Variants in APC observed in about 807,000 individuals in gnomAD.
APC encodes the protein adenomatous polyposis coli protein.
A neutral mutation model predicts 247.0 loss-of-function variants in APC; 72 were observed. That is an observed-to-expected ratio of 0.29 (90% CI 0.24 to 0.35). The LOEUF (loss-of-function observed/expected upper bound fraction) is 0.35, where lower values mean the gene tolerates loss of function less well. Among genes scored for constraint, APC ranks in the 10% least tolerant of loss-of-function variants. The pLI is 1.00. For synonymous variants in APC, 1,254 were observed against 1,162.5 expected (o/e 1.08, Z -1.60); for missense variants, 3,400 against 3,360.7 (o/e 1.01, Z -0.29).
rs1352894454 is a variant in APC, at chr5:112,758,765, G to A, written c.135+3740G>A. On this transcript the variant is annotated intron_variant, in intron 2 of 15. Coordinates refer to ENST00000257430, the MANE Select transcript of APC (RefSeq NM_000038.6). Reference sequence around the variant, plus strand: ...ATTACAGGTCCCTACCGCCACGCCCGGCTAATTTTTGTATTTTAGTAGAGA... The same window carrying A: ...ATTACAGGTCCCTACCGCCACGCCCAGCTAATTTTTGTATTTTAGTAGAGA... 4.6e-5 allele frequency among the ~76,000 whole-genome samples: 7 copies of A among 151,818 alleles called. No homozygotes were observed. The East Asian group carries it at 1.2e-3, about 25-fold the overall frequency.
Position 112,780,892 on chromosome 5 carries a change from A to G in APC, c.634A>G (p.Lys212Glu), listed in dbSNP as rs771232437. The G allele has an allele frequency of 1.3e-5, 21 of 1,607,350 alleles. No individual in the cohort carries two copies. The part of the protein sequence containing the change: ...EQLGTCQDME[K>E]RAQRRIARIQ... ...ACTAGGTACCTGCCAGGATATGGAA[A>G]AACGAGCACAGGTAAGTTACTTGTT... is the stretch of plus-strand genomic sequence containing the variant. The change falls in exon 6 of 16, where the codon AAA becomes GAA. Residue 212 changes from lysine (K) to glutamate (E), a missense_variant. By Grantham distance (56) the Lys-to-Glu change is moderately conservative. Coordinates refer to ENST00000257430, the MANE Select transcript of APC (RefSeq NM_000038.6).
At chr5:112,716,998 T>A (rs947085851) in intron 1 of APC, among the ~76,000 whole-genome samples, 1 of 152,136 alleles carries the variant, frequency 6.6e-6, no homozygotes, top group Non-Finnish European at 1.5e-5. Context: ...ATAGTTATTT[T>A]TGTTTGTTTG....
chr5:112,804,388 T>C (rs552662839), intron 8 of APC, among the ~76,000 whole-genome samples: 41 of 152,284 alleles, frequency 2.7e-4, no homozygotes, highest in Middle Eastern at 6.8e-3. Flanking sequence ...TAGGTAATTA[T>C]AACTTTTTTT....
Position 112,826,454 on chromosome 5 carries a change from CA to C in APC, c.1409-653del, listed in dbSNP as rs1262491333. On this transcript the variant is annotated intron_variant, in intron 11 of 15. Coordinates refer to ENST00000257430, the MANE Select transcript of APC (RefSeq NM_000038.6). ...GTTTAGCATTTTCAGTGGAAAGAAT[CA>C]GGGGAAAGAAAATACTAAATCTTAG... Among the ~76,000 whole-genome samples, 6 of 151,530 alleles carry C rather than the reference CA, an allele frequency of 4.0e-5. No individual in the cohort carries two copies. The East Asian group carries it at 7.8e-4, about 20-fold the overall frequency.
At chr5:112,746,761 T>C (rs2149709445) in intron 1 of APC, among the ~76,000 whole-genome samples, 1 of 152,234 alleles carries the variant, frequency 6.6e-6, no homozygotes, top group East Asian at 1.9e-4. Context: ...AAATCGAGAA[T>C]AAGATAGTTT....
At chr5:112,801,905 T>TC (rs1417675442) in intron 8 of APC, among the ~76,000 whole-genome samples, 1 of 152,104 alleles carries the variant, frequency 6.6e-6, no homozygotes, top group African/African-American at 2.4e-5. Flanking sequence ...TATTACCACA[T>TC]CATTTTCAGC....
At position 112,756,484 on chromosome 5, in the gene APC, AT is replaced by A. The variant is rs372899953; in HGVS notation, c.135+1461del. Among the ~76,000 whole-genome samples the A allele has an allele frequency of 1.2e-3, 183 of 152,368 alleles. 1 individual carries two copies. Among genetic ancestry groups the A allele is most frequent in the African/African-American group, 4.3e-3 (180 of 41,596 alleles). ...TGATCAACACATTACATTTCAAATC[AT>A]TATACTTGGCATGTGTTTTTAAAAG... On this transcript the variant is annotated intron_variant, in intron 2 of 15. Coordinates refer to ENST00000257430, the MANE Select transcript of APC (RefSeq NM_000038.6).
rs1064794636 is a variant in APC at position 112,839,376 on chromosome 5, C to T, written c.3782C>T (p.Thr1261Ile). 4 of 1,613,978 alleles carry T rather than the reference C, an allele frequency of 2.5e-6. No homozygotes were observed. Among genetic ancestry groups the T allele is most frequent in the Non-Finnish European group, 8.5e-7 (1 of 1,179,912 alleles). Reference sequence around the variant, plus strand: ...TCTATTAACCAAGAAACAATACAGACTTATTGTGTAGAAGATACTCCAATA... The same window carrying T: ...TCTATTAACCAAGAAACAATACAGATTTATTGTGTAGAAGATACTCCAATA... ...VSSINQETIQ[T>I]YCVEDTPICF... The change falls in exon 16 of 16, where the codon ACT becomes ATT. Residue 1261 changes from threonine to isoleucine, a missense_variant. Transcript: ENST00000257430. This position sits in a 1 kb window ranked among gnomAD's most constrained non-coding sequence, Gnocchi z 5.0.
At chr5:112,792,321 T>G (rs1267336950) in intron 6 of APC, 125 bp from the exon 7 acceptor site, 1 of 627,480 alleles carries the variant, frequency 1.6e-6, no homozygotes, top group African/African-American at 1.9e-5. Flanking sequence ...TATTTATATG[T>G]CTAGCTTTTT....
In APC at chr5:112,842,379, G is replaced by T. The variant is rs878853465; in HGVS notation, c.6785G>T (p.Ser2262Ile). ...PLKTPASKSP[S>I]EGQTATTSPR... ...AAGACTCCAGCCTCCAAAAGCCCTAGTGAAGGTCAAACAGCCACCACTTCT... is the reference window on the plus strand; with the variant it reads ...AAGACTCCAGCCTCCAAAAGCCCTATTGAAGGTCAAACAGCCACCACTTCT... The change falls in exon 16 of 16, where the codon AGT becomes ATT. Residue 2262 changes from serine (S) to isoleucine (I), a missense_variant. Transcript: ENST00000257430. The T allele has an allele frequency of 6.2e-7, 1 of 1,613,948 alleles. No individual in the cohort carries two copies. The highest frequency in any genetic ancestry group is 8.5e-7 in the Non-Finnish European group (1 of 1,179,974).
At chr5:112,819,443 AAG>A (rs748975330) in intron 10 of APC, 99 bp downstream of exon 10, 13 of 1,452,554 alleles carry the variant, frequency 8.9e-6, no homozygotes, top group Non-Finnish European at 1.2e-5. Context: ...CTTTATGACT[AAG>A]AGGAGAAAAT....
chr5:112,774,825 A>G (rs1303031185), intron 4 of APC, among the ~76,000 whole-genome samples: 1 of 152,242 alleles, frequency 6.6e-6, no homozygotes, highest in Non-Finnish European at 1.5e-5. Context: ...AACATACACT[A>G]TAATAATATG....
intron 7 of APC, among the ~76,000 whole-genome samples, chr5:112,793,775 T>A (rs952365058): frequency 5.3e-5 from 8 of 152,032 alleles, no homozygotes; most frequent in Admixed American, 4.6e-4. Context: ...AGGGGCTTAG[T>A]TTTCCAAAAA....
chr5:112,726,362 G>A (rs1641860248), intron 1 of APC, among the ~76,000 whole-genome samples: 1 of 152,162 alleles, frequency 6.6e-6, no homozygotes, highest in South Asian at 2.1e-4. Context: ...GGGATGGAGT[G>A]GGAAGATGAT....
At chr5:112,711,152 G>A (rs1367305964) in intron 1 of APC, among the ~76,000 whole-genome samples, 1 of 152,202 alleles carries the variant, frequency 6.6e-6, no homozygotes, top group African/African-American at 2.4e-5. Context: ...AGCAGCAGGG[G>A]AGCAAGCATT....
chr5:112,817,116 C>T (rs1446484000), intron 9 of APC, among the ~76,000 whole-genome samples: 3 of 152,096 alleles, frequency 2.0e-5, no homozygotes, highest in African/African-American at 7.2e-5. Flanking sequence ...GTGATGCGCT[C>T]ATCTCTGCCT....
chr5:112,819,727 T>C (rs1483159946), intron 10 of APC, among the ~76,000 whole-genome samples: 5 of 152,206 alleles, frequency 3.3e-5, no homozygotes, highest in African/African-American at 7.2e-5. Context: ...CCATAATCTT[T>C]TACATTTGCA....
At chr5:112,793,131 A>G (rs752050428) in intron 7 of APC, among the ~76,000 whole-genome samples, 2 of 152,162 alleles carry the variant, frequency 1.3e-5, no homozygotes, top group African/African-American at 2.4e-5. Context: ...TAAGAAGCAG[A>G]TGGACTTTCC....
intron 12 of APC, 79 bp downstream of exon 12, chr5:112,827,326 T>C (rs1763808280): frequency 4.0e-6 from 6 of 1,500,656 alleles, no homozygotes; most frequent in Admixed American, 1.7e-5. Flanking sequence ...ATTTTACTGA[T>C]TTTCTTTTTT....
Sources: gnomAD v4.1 joint callset for allele counts (sites outside exome capture counted in the v4.1 genomes callset) on GRCh38, gnomAD v4.1.1 for gene constraint, Gnocchi (gnomAD v3.1) non-coding constraint, MANE v1.5 for transcripts, NCBI Gene and HGNC (gene_info 2026-07-23, HGNC 2026-07-21) for gene names.